The following NKAIN3 variants were observed in gnomAD, a reference collection of about 807,000 sequenced individuals.
NKAIN3 encodes the protein sodium/potassium transporting ATPase interacting 3.
In NKAIN3, 25 loss-of-function variants were observed where a neutral mutation model predicts 30.2. The ratio of observed to expected loss-of-function variants is 0.83; its 90% CI spans 0.60 to 1.16. NKAIN3 has a LOEUF of 1.16. Among genes scored for constraint, NKAIN3 ranks in the 50% most tolerant of loss-of-function variants. The pLI is 0.00. For synonymous variants in NKAIN3, 91 were observed against 89.6 expected (o/e 1.02, Z -0.09); for missense variants, 225 against 254.1 (o/e 0.89, Z 0.78).
chr8:62,959,410 T>A (rs1823505920), intron 6 of NKAIN3, among the ~76,000 whole-genome samples: 1 of 149,486 alleles, frequency 6.7e-6, no homozygotes, highest in South Asian at 2.1e-4. Context: ...CAACATTAAG[T>A]ACCAGCTAGT....
intron 4 of NKAIN3, among the ~76,000 whole-genome samples, chr8:62,793,134 C>T (rs1321891367): frequency 1.3e-5 from 2 of 151,888 alleles, no homozygotes; most frequent in Non-Finnish European, 2.9e-5. Context: ...TAACCTGACA[C>T]ATCCGCTTGT....
intron 4 of NKAIN3, among the ~76,000 whole-genome samples, chr8:62,872,580 A>T (rs1820677659): frequency 6.6e-6 from 1 of 152,192 alleles, no homozygotes; most frequent in Non-Finnish European, 1.5e-5. Flanking sequence ...TCAGTTTTTG[A>T]GCATTGTGTT....
rs1823811637 is a variant in NKAIN3, at chr8:62,970,515, T to C, written c.*5108T>C. On this transcript the variant is annotated 3_prime_UTR_variant, in exon 7 of 7. Transcript: ENST00000623646. ...AAAGGGTAAAAATCATGTTAAATGC[T>C]AAACATTTTTAAAAACTGAAATATT... 6.6e-6 allele frequency among the ~76,000 whole-genome samples: 1 copy of C among 152,172 alleles called. No individual in the cohort carries two copies. Among genetic ancestry groups the C allele is most frequent in the African/African-American group, 2.4e-5 (1 of 41,458 alleles).
chr8:62,272,698 G>T (rs1812815382), intron 1 of NKAIN3, among the ~76,000 whole-genome samples: 2 of 152,108 alleles, frequency 1.3e-5, no homozygotes, highest in African/African-American at 4.8e-5. Flanking sequence ...TATGCAGGTT[G>T]TCTCTGTCCC....
intron 4 of NKAIN3, among the ~76,000 whole-genome samples, chr8:62,882,205 C>G (rs1246760892): frequency 6.6e-6 from 1 of 152,150 alleles, no homozygotes; most frequent in Non-Finnish European, 1.5e-5. Flanking sequence ...GACTTATCTT[C>G]TCCTTCTCTT....
At position 62,968,048 on chromosome 8, in the gene NKAIN3, G is replaced by A. The variant is rs1207242320; in HGVS notation, c.*2641G>A. On this transcript the variant is annotated 3_prime_UTR_variant, in exon 7 of 7. Transcript: ENST00000623646. The stretch of plus-strand genomic sequence containing the variant: ...TAATCTTTCTTCACTTAAATATGAA[G>A]TTATAACTGTTTCAATCTCCAACCT... Among the ~76,000 whole-genome samples the A allele has an allele frequency of 2.0e-5, 3 of 152,184 alleles. No homozygotes were observed. The highest frequency in any genetic ancestry group is 6.6e-5 in the Admixed American group (1 of 15,266).
At chr8:62,644,141 T>A (rs1388824035) in intron 3 of NKAIN3, among the ~76,000 whole-genome samples, 1 of 152,092 alleles carries the variant, frequency 6.6e-6, no homozygotes, top group African/African-American at 2.4e-5. Context: ...ATGCCATTGC[T>A]CCATGTGGTT....
chr8:62,870,889 G>C (rs1403048440), intron 4 of NKAIN3, among the ~76,000 whole-genome samples: 14 of 150,696 alleles, frequency 9.3e-5, no homozygotes, highest in South Asian at 2.1e-4. Flanking sequence ...AAATGAAGCC[G>C]TCTTACTGTT....
intron 6 of NKAIN3, among the ~76,000 whole-genome samples, chr8:62,958,704 C>T (rs958836420): frequency 2.0e-5 from 3 of 152,198 alleles, no homozygotes; most frequent in Non-Finnish European, 2.9e-5. Flanking sequence ...CAGAGAACAA[C>T]ATAGTGAGCA....
At chr8:62,305,053 G>A (rs1017248495) in intron 1 of NKAIN3, among the ~76,000 whole-genome samples, 1 of 150,288 alleles carries the variant, frequency 6.7e-6, no homozygotes, top group African/African-American at 2.5e-5. Flanking sequence ...TCAGAAGGAG[G>A]GTCTGTAAAG....
intron 1 of NKAIN3, among the ~76,000 whole-genome samples, chr8:62,412,670 G>A (rs185539960): frequency 1.5e-4 from 23 of 151,772 alleles, no homozygotes; most frequent in South Asian, 2.1e-4. Flanking sequence ...AGAGGCGGGC[G>A]GAACATTTAA....
intron 3 of NKAIN3, among the ~76,000 whole-genome samples, chr8:62,601,785 A>G (rs1239825586): frequency 6.6e-6 from 1 of 152,076 alleles, no homozygotes; most frequent in East Asian, 1.9e-4. Flanking sequence ...AAAGAGACGC[A>G]ATTATATTCT....
At chr8:62,745,651 C>G (rs1321845133) in intron 3 of NKAIN3, among the ~76,000 whole-genome samples, 1 of 152,218 alleles carries the variant, frequency 6.6e-6, no homozygotes, top group African/African-American at 2.4e-5. Context: ...TAAAGGGCAT[C>G]TCTTAAGGAT....
rs11991931 is a variant in NKAIN3, at chr8:62,645,809, A to G, written c.273+56015A>G. Among the ~76,000 whole-genome samples, 1,431 of 152,238 alleles carry G rather than the reference A, an allele frequency of 9.4e-3. 16 individuals are homozygous for G. The highest frequency in any genetic ancestry group is 0.032 in the African/African-American group (1,328 of 41,548). Reference sequence around the variant, plus strand: ...AATTTTGTGATGCAGATCATCTGAGATTCAAACTTTCCCTTGTTTAGCCCA... The same window carrying G: ...AATTTTGTGATGCAGATCATCTGAGGTTCAAACTTTCCCTTGTTTAGCCCA... On this transcript the variant is annotated intron_variant, in intron 3 of 6. Coordinates refer to ENST00000623646, the MANE Select transcript of NKAIN3 (RefSeq NM_001304533.3).
chr8:62,537,503 A>C (rs921717014), intron 1 of NKAIN3, among the ~76,000 whole-genome samples: 1 of 152,128 alleles, frequency 6.6e-6, no homozygotes, highest in African/African-American at 2.4e-5. Context: ...AGGTTTCGTA[A>C]GTGATGTTGG....
In NKAIN3 at chr8:62,981,635, G is replaced by T. The variant is rs1443210316; in HGVS notation, c.*16228G>T. On this transcript the variant is annotated 3_prime_UTR_variant, in exon 7 of 7. Transcript: ENST00000623646. ...TGCCATTGCAGGTAGGAAAAAAAAA[G>T]ACAAAAATGGTATTCTCAGGTGAGC... is the stretch of plus-strand genomic sequence containing the variant. 6.6e-6 allele frequency: 1 copy of T among 150,498 alleles called. No homozygotes were observed. The highest frequency in any genetic ancestry group is 2.4e-5 in the African/African-American group (1 of 40,928). 9.3% of individuals were successfully genotyped at this position (150,498 alleles called of 1,614,324 possible). A position where few individuals can be genotyped will look rare whatever the true frequency, so the allele number is the denominator to read the frequency against.
chr8:62,770,572 G>T (rs1816978585), intron 4 of NKAIN3, among the ~76,000 whole-genome samples: 1 of 152,134 alleles, frequency 6.6e-6, no homozygotes, highest in South Asian at 2.1e-4. Context: ...TCTTATGAGG[G>T]TACTAATAAC....
chr8:62,264,162 G>A (rs1264854101), intron 1 of NKAIN3, among the ~76,000 whole-genome samples: 1 of 152,130 alleles, frequency 6.6e-6, no homozygotes, highest in African/African-American at 2.4e-5. Flanking sequence ...GAAAAATGAG[G>A]GAATTCATAT....
At chr8:62,411,807 T>C (rs891343951) in intron 1 of NKAIN3, among the ~76,000 whole-genome samples, 1 of 151,938 alleles carries the variant, frequency 6.6e-6, no homozygotes, top group African/African-American at 2.4e-5. Flanking sequence ...ACCTCTACAA[T>C]AGCAACAAAG....
Sources: allele counts gnomAD v4.1 joint callset (sites outside exome capture counted in the v4.1 genomes callset), GRCh38; gene constraint gnomAD v4.1.1; transcripts MANE v1.5; gene names NCBI Gene and HGNC (gene_info 2026-07-23, HGNC 2026-07-21).